The following RFFL variants were observed in gnomAD, a reference collection of about 807,000 sequenced individuals.
RFFL encodes the protein E3 ubiquitin-protein ligase rififylin.
A neutral mutation model predicts 40.4 loss-of-function variants in RFFL; 16 were observed. The ratio of observed to expected loss-of-function variants is 0.40; its 90% CI spans 0.27 to 0.60. The LOEUF is 0.60. Among genes scored for constraint, RFFL ranks in the 20% least tolerant of loss-of-function variants. The pLI, the probability that RFFL is intolerant of heterozygous loss-of-function variation, is 0.47. For missense variants in RFFL, 367 were observed against 451.7 expected (o/e 0.81, Z 1.70); for synonymous variants, 154 against 167.9 (o/e 0.92, Z 0.64).
At chr17:35,069,231 A>G (rs2091334927) in intron 1 of RFFL, 4 of 456,578 alleles carry the variant, frequency 8.8e-6, no homozygotes, top group African/African-American at 4.0e-5. Flanking sequence ...CCTGCCTCCA[A>G]TAAGTCAAAC....
At chr17:35,087,999 T>G (rs1417003908) in intron 1 of RFFL, among the ~76,000 whole-genome samples, 1 of 152,170 alleles carries the variant, frequency 6.6e-6, no homozygotes, top group South Asian at 2.1e-4. Flanking sequence ...CCTAGAAGAA[T>G]GGTATAATAA....
chr17:35,054,609 TGGG>T (rs2091249588), intron 1 of RFFL, among the ~76,000 whole-genome samples: 1 of 151,072 alleles, frequency 6.6e-6, no homozygotes, highest in Non-Finnish European at 1.5e-5. Flanking sequence ...TTTATTTAAC[TGGG>T]TTGCTAACAA....
chr17:35,029,647 A>T (rs2142331529), intron 1 of RFFL, among the ~76,000 whole-genome samples: 1 of 151,206 alleles, frequency 6.6e-6, no homozygotes, highest in Non-Finnish European at 1.5e-5. Context: ...CAGCCTCCCA[A>T]GTAGCTGGGA....
chr17:35,024,076 A>T (rs2091026450), intron 2 of RFFL, among the ~76,000 whole-genome samples: 1 of 152,222 alleles, frequency 6.6e-6, no homozygotes, highest in African/African-American at 2.4e-5. Flanking sequence ...AGTGGAGGCA[A>T]CCAACATGCC....
rs376634361 is a variant in RFFL at position 35,011,945 on chromosome 17, A to C, written c.*23T>G. On this transcript the variant is annotated 3_prime_UTR_variant, in exon 7 of 7. Transcript: ENST00000394597. ...ACCCCAGGCTATTTCCCTGTAAGGC[A>C]CTGAAGAAACCGATGCAAGCTCTCA... The C allele has an allele frequency of 6.2e-7, 1 of 1,611,076 alleles. No individual in the cohort carries two copies. Among genetic ancestry groups the C allele is most frequent in the African/African-American group, 1.3e-5 (1 of 74,896 alleles).
At chr17:35,082,759 C>T (rs1000286946) in intron 1 of RFFL, among the ~76,000 whole-genome samples, 8 of 152,100 alleles carry the variant, frequency 5.3e-5, no homozygotes, top group Admixed American at 5.2e-4. Flanking sequence ...TTCAATCCTC[C>T]CTTGCATATT....
chr17:35,020,326 G>A (rs772366721), intron 3 of RFFL, among the ~76,000 whole-genome samples: 2 of 151,906 alleles, frequency 1.3e-5, no homozygotes, highest in Non-Finnish European at 2.9e-5. Context: ...TGCACAGCAG[G>A]AGGTGAGTGG....
At chr17:35,088,519 C>T (rs1229723959) in intron 1 of RFFL, among the ~76,000 whole-genome samples, 1 of 152,174 alleles carries the variant, frequency 6.6e-6, no homozygotes, top group Non-Finnish European at 1.5e-5. Context: ...GCCCCATTTC[C>T]CTCTCGGTCT....
upstream of RFFL, among the ~76,000 whole-genome samples, chr17:35,064,289 AT>A (rs35094978): frequency 6.6e-3 from 976 of 147,702 alleles, 10 homozygotes; most frequent in African/African-American, 0.02. Flanking sequence ...ATGCACTGGA[AT>A]TTTTTTTTTT....
Position 35,006,348 on chromosome 17 carries a change from C to G in RFFL, c.*5620G>C, listed in dbSNP as rs2090895170. The G allele has an allele frequency of 6.5e-6, 1 of 154,182 alleles. No individual in the cohort carries two copies. Among genetic ancestry groups the G allele is most frequent in the Admixed American group, 6.4e-5 (1 of 15,524 alleles). The allele number at this position is 154,182 out of a possible 1,614,324, so 9.6% of individuals were successfully genotyped here. On this transcript the variant is annotated 3_prime_UTR_variant, in exon 7 of 7. Coordinates refer to ENST00000394597, the MANE Select transcript of RFFL (RefSeq NM_001017368.2). ...TCACATGTCACTAGTGACTACCACA[C>G]TGGACAGTGCAGGTGTAGACGGAGT...
At chr17:35,033,374 C>T (rs1483093183) in intron 1 of RFFL, among the ~76,000 whole-genome samples, 1 of 151,582 alleles carries the variant, frequency 6.6e-6, no homozygotes, top group East Asian at 1.9e-4. Flanking sequence ...ACTAAAAATA[C>T]AAAATTACCC....
At position 35,006,480 on chromosome 17, in the gene RFFL, G is replaced by T. The variant is rs1046218521; in HGVS notation, c.*5488C>A. The T allele has an allele frequency of 6.6e-6, 1 of 152,288 alleles. No individual in the cohort carries two copies. The highest frequency in any genetic ancestry group is 2.4e-5 in the African/African-American group (1 of 41,448). The allele number at this position is 152,288 out of a possible 1,614,324, so 9.4% of individuals were successfully genotyped here. A position where few individuals can be genotyped will look rare whatever the true frequency, so the allele number is the denominator to read the frequency against. ...ATGGGTGCACCTAAATCATAGGGTT[G>T]TCCTGTTGTCCTGAGCAACATTATG... is the stretch of plus-strand genomic sequence containing the variant. On this transcript the variant is annotated 3_prime_UTR_variant, in exon 7 of 7. Transcript: ENST00000394597.
In RFFL at chr17:35,053,730, T is replaced by C. The variant is rs533926003; in HGVS notation, c.-9+9846A>G. Among the ~76,000 whole-genome samples the C allele has an allele frequency of 3.9e-4, 59 of 152,338 alleles. No homozygotes were observed. The South Asian group carries it at 0.011, about 29-fold the overall frequency. ...GCATTATGGGAAACAATAATCTTTT[T>C]TGTAACTATATTCTCCCCCACAAAC... On this transcript the variant is annotated intron_variant, in intron 1 of 6. Transcript: ENST00000394597.
intron 1 of RFFL, among the ~76,000 whole-genome samples, chr17:35,056,625 C>T (rs1336693552): frequency 6.6e-6 from 1 of 152,110 alleles, no homozygotes; most frequent in African/African-American, 2.4e-5. Flanking sequence ...GATCTGCCCA[C>T]TTCAGCCTCC....
chr17:35,026,314 G>A (rs1271081725), intron 2 of RFFL, 60 bp downstream of exon 2: 5 of 1,545,948 alleles, frequency 3.2e-6, no homozygotes, highest in African/African-American at 2.7e-5. Flanking sequence ...AGGGGTCAGT[G>A]GCGCTTGCCC....
chr17:35,052,019 T>G (rs1465861635), intron 1 of RFFL, among the ~76,000 whole-genome samples: 1 of 152,218 alleles, frequency 6.6e-6, no homozygotes, highest in Admixed American at 6.5e-5. Context: ...TTAGCCTCTT[T>G]GGGTCTGTTT....
chr17:35,046,746 T>C (rs2091202289), intron 1 of RFFL, among the ~76,000 whole-genome samples: 1 of 152,200 alleles, frequency 6.6e-6, no homozygotes, highest in Admixed American at 6.5e-5. Context: ...CAGCATCTGC[T>C]ATGAAGTTCA....
intron 1 of RFFL, among the ~76,000 whole-genome samples, chr17:35,048,388 C>A (rs919031109): frequency 1.3e-5 from 2 of 151,496 alleles, no homozygotes; most frequent in Non-Finnish European, 2.9e-5. Flanking sequence ...GGCGACAGAG[C>A]GAGACTCCAT....
intron 5 of RFFL, among the ~76,000 whole-genome samples, chr17:35,016,026 A>G (rs1353046063): frequency 6.6e-6 from 1 of 152,200 alleles, no homozygotes; most frequent in Non-Finnish European, 1.5e-5. Flanking sequence ...AAGGTAAGAA[A>G]ACTTACAAGG....
Sources: gnomAD v4.1 joint callset for allele counts (sites outside exome capture counted in the v4.1 genomes callset) on GRCh38, gnomAD v4.1.1 for gene constraint, MANE v1.5 for transcripts, NCBI Gene and HGNC (gene_info 2026-07-23, HGNC 2026-07-21) for gene names.